The following PARD3B variants were observed in gnomAD, a reference collection of about 807,000 sequenced individuals.
PARD3B encodes the protein partitioning defective 3 homolog B.
In PARD3B, 103 loss-of-function variants were observed where a neutral mutation model predicts 130.2. The observed-to-expected ratio is 0.79, with a 90% CI of 0.67 to 0.93. PARD3B has a LOEUF of 0.93. Ranked by LOEUF, PARD3B falls within the 40% of genes least tolerant of loss-of-function variation. The probability of loss-of-function intolerance (pLI) is 0.00; values close to 1 mark genes in which losing one functional copy is unlikely to be tolerated. For synonymous variants in PARD3B, 583 were observed against 553.2 expected (o/e 1.05, Z -0.76); for missense variants, 1,609 against 1,499.2 (o/e 1.07, Z -1.21).
chr2:204,904,397 G>A (rs1447156957), intron 2 of PARD3B, among the ~76,000 whole-genome samples: 3 of 152,070 alleles, frequency 2.0e-5, no homozygotes, highest in South Asian at 2.1e-4. Flanking sequence ...TCTACTCCAG[G>A]TTCTACCAGT....
intron 2 of PARD3B, among the ~76,000 whole-genome samples, chr2:204,803,161 A>ATATATAT (rs1553528085): frequency 1.7e-5 from 2 of 120,038 alleles, no homozygotes; most frequent in African/African-American, 3.2e-5. Context: ...AAAAAAAAAA[A>ATATATAT]AAATATATAT....
intron 1 of PARD3B, among the ~76,000 whole-genome samples, chr2:204,647,744 C>T (rs1456274378): frequency 6.6e-6 from 1 of 151,694 alleles, no homozygotes; most frequent in Non-Finnish European, 1.5e-5. Context: ...TCCATATATA[C>T]ATGTGCTAAA....
intron 18 of PARD3B, among the ~76,000 whole-genome samples, chr2:205,339,342 G>A (rs974153715): frequency 1.3e-5 from 2 of 152,138 alleles, no homozygotes; most frequent in Admixed American, 6.5e-5. Flanking sequence ...TTTTAAAAAG[G>A]AGAAGTTTAG....
At chr2:205,032,432 A>G (rs1235744229) in intron 3 of PARD3B, among the ~76,000 whole-genome samples, 1 of 152,132 alleles carries the variant, frequency 6.6e-6, no homozygotes, top group Non-Finnish European at 1.5e-5. Flanking sequence ...ATAATGTAAA[A>G]GGTGCCTGAG....
At chr2:205,061,233 A>G (rs189513584) in intron 4 of PARD3B, among the ~76,000 whole-genome samples, 28 of 152,272 alleles carry the variant, frequency 1.8e-4, no homozygotes, top group African/African-American at 6.7e-4. Context: ...TTGAACTCAA[A>G]TGCTCAGGGT....
At chr2:204,650,396 G>T (rs2035436386) in intron 1 of PARD3B, among the ~76,000 whole-genome samples, 2 of 152,088 alleles carry the variant, frequency 1.3e-5, no homozygotes, top group South Asian at 4.1e-4. Context: ...CTCATTACTG[G>T]GTGTACACCT....
intron 10 of PARD3B, among the ~76,000 whole-genome samples, chr2:205,136,811 T>A (rs1216725131): frequency 2.0e-5 from 3 of 152,224 alleles, no homozygotes; most frequent in Non-Finnish European, 2.9e-5. Context: ...AAGGTTGATG[T>A]TCAGAAGAAT....
chr2:205,489,548 G>GTT (rs1386388673), intron 20 of PARD3B, among the ~76,000 whole-genome samples: 1 of 6,616 alleles, frequency 1.5e-4, no homozygotes, highest in Admixed American at 3.2e-3. Context: ...GCATATATAT[G>GTT]TATATATATA....
At chr2:204,738,202 T>C (rs914487557) in intron 2 of PARD3B, among the ~76,000 whole-genome samples, 1 of 152,222 alleles carries the variant, frequency 6.6e-6, no homozygotes, top group African/African-American at 2.4e-5. Flanking sequence ...TTCTAATCCA[T>C]GAGCATGGGA....
chr2:205,154,908 G>GAGT (rs2034013379), intron 10 of PARD3B, among the ~76,000 whole-genome samples: 1 of 152,084 alleles, frequency 6.6e-6, no homozygotes, highest in African/African-American at 2.4e-5. Context: ...GTGGGGGCCT[G>GAGT]GGGGAGGGAT....
Position 205,244,887 on chromosome 2 carries a change from T to C in PARD3B, c.2141-891T>C, listed in dbSNP as rs1392878384. On this transcript the variant is annotated intron_variant, in intron 15 of 22. Transcript: ENST00000406610. The surrounding 1 kb of genome is among the most constrained non-coding windows in gnomAD (Gnocchi z 4.7). ...AGTTTTCTACTCTGGCTGTTGGAAA[T>C]AGGCACTATTCCCAGCCCTGTGTGA... Among the ~76,000 whole-genome samples the C allele has an allele frequency of 6.6e-6, 1 of 152,214 alleles. No homozygotes were observed.
At chr2:205,120,836 C>T (rs1263940809) in intron 7 of PARD3B, among the ~76,000 whole-genome samples, 3 of 152,162 alleles carry the variant, frequency 2.0e-5, no homozygotes, top group African/African-American at 7.2e-5. Flanking sequence ...TTAACGCCTT[C>T]ATTTATATCT....
At chr2:205,570,434 G>A (rs1391004560) in intron 22 of PARD3B, among the ~76,000 whole-genome samples, 1 of 152,126 alleles carries the variant, frequency 6.6e-6, no homozygotes, top group Non-Finnish European at 1.5e-5. Context: ...AAAAACTTAT[G>A]AGAAGAAAAT....
intron 2 of PARD3B, among the ~76,000 whole-genome samples, chr2:204,695,556 C>G (rs965468635): frequency 8.6e-5 from 13 of 152,028 alleles, no homozygotes; most frequent in African/African-American, 1.9e-4. Context: ...TAAGCTGTCT[C>G]AACCTCAGTT....
chr2:204,650,225 G>A (rs1473451971), intron 1 of PARD3B, among the ~76,000 whole-genome samples: 3 of 152,082 alleles, frequency 2.0e-5, no homozygotes, highest in Non-Finnish European at 4.4e-5. Flanking sequence ...CATCCAAATG[G>A]CTATTATTAA....
intron 1 of PARD3B, among the ~76,000 whole-genome samples, chr2:204,660,935 G>C (rs540345159): frequency 1.3e-5 from 2 of 152,252 alleles, no homozygotes; most frequent in East Asian, 3.9e-4. Flanking sequence ...TTCCCAAGTT[G>C]AGTTTAAACC....
intron 1 of PARD3B, among the ~76,000 whole-genome samples, chr2:204,666,718 G>GA (rs202241554): frequency 1.0e-3 from 155 of 150,480 alleles, no homozygotes; most frequent in African/African-American, 2.5e-3. Flanking sequence ...CATTTGCTAT[G>GA]AAAAAAAAAC....
chr2:205,148,947 G>T (rs2033559229), intron 10 of PARD3B, among the ~76,000 whole-genome samples: 1 of 152,176 alleles, frequency 6.6e-6, no homozygotes, highest in Admixed American at 6.5e-5. Flanking sequence ...ATGCTTTCAG[G>T]TCTGAGCTGG....
intron 2 of PARD3B, among the ~76,000 whole-genome samples, chr2:204,958,963 T>G (rs1690515448): frequency 6.6e-6 from 1 of 152,182 alleles, no homozygotes; most frequent in Non-Finnish European, 1.5e-5. Flanking sequence ...TTCTTTTTTA[T>G]TGTTTTTAAA....
Sources: allele counts gnomAD v4.1 joint callset (sites outside exome capture counted in the v4.1 genomes callset), GRCh38; gene constraint gnomAD v4.1.1; non-coding constraint Gnocchi (gnomAD v3.1); transcripts MANE v1.5; gene names NCBI Gene and HGNC (gene_info 2026-07-23, HGNC 2026-07-21).